The following GUCY2C variants were observed in gnomAD, a reference collection of about 807,000 sequenced individuals.
The protein encoded by GUCY2C is guanylate cyclase 2C, also known as guanylyl cyclase C.
Under a neutral mutation model 131.1 loss-of-function variants are expected in GUCY2C, and 118 were observed. The ratio of observed to expected loss-of-function variants is 0.90; its 90% CI spans 0.78 to 1.05. The LOEUF (loss-of-function observed/expected upper bound fraction) is 1.05. Ranked by LOEUF, GUCY2C falls within the 50% of genes least tolerant of loss-of-function variation. The probability of loss-of-function intolerance (pLI) is 0.00; values close to 1 mark genes in which losing one functional copy is unlikely to be tolerated. For missense variants in GUCY2C, 1,161 were observed against 1,304.4 expected, an observed-to-expected ratio of 0.89 and a Z score of 1.69; for synonymous variants, 452 against 457.8, an observed-to-expected ratio of 0.99 and a Z score of 0.16.
At chr12:14,657,053 G>A (rs768630390) in intron 11 of GUCY2C, among the ~76,000 whole-genome samples, 1 of 152,200 alleles carries the variant, frequency 6.6e-6, no homozygotes, top group Non-Finnish European at 1.5e-5. Flanking sequence ...GAGCTCAGGC[G>A]GTACCGCTCG....
chr12:14,639,752 A>C, intron 19 of GUCY2C, 110 bp downstream of exon 19: 1 of 702,692 alleles, frequency 1.4e-6, no homozygotes, highest in Non-Finnish European at 2.5e-6. Flanking sequence ...TTGATTTCAG[A>C]CTTCTAGTCT....
chr12:14,630,252 C>T (rs1319496585), intron 19 of GUCY2C, among the ~76,000 whole-genome samples: 2 of 151,870 alleles, frequency 1.3e-5, no homozygotes, highest in African/African-American at 4.8e-5. Context: ...GAACTAGAGC[C>T]GCGGTATAGC....
At chr12:14,676,282 G>A (rs1487047859) in intron 7 of GUCY2C, among the ~76,000 whole-genome samples, 3 of 152,160 alleles carry the variant, frequency 2.0e-5, no homozygotes, top group Non-Finnish European at 4.4e-5. Flanking sequence ...CCAAATGGAG[G>A]CTCTTTTTCC....
At chr12:14,619,434 A>T in intron 23 of GUCY2C, 125 bp from the exon 24 acceptor site, 1 of 620,450 alleles carries the variant, frequency 1.6e-6, no homozygotes, top group Non-Finnish European at 2.9e-6. Flanking sequence ...GTAGCTGAGG[A>T]TGTGAAATGT....
chr12:14,626,407 A>G (rs1947019368), intron 20 of GUCY2C, among the ~76,000 whole-genome samples: 1 of 152,200 alleles, frequency 6.6e-6, no homozygotes, highest in African/African-American at 2.4e-5. Flanking sequence ...AATGATGGTA[A>G]TCAACGTAGG....
Position 14,619,276 on chromosome 12 carries a change from A to G in GUCY2C, c.2810T>C (p.Met937Thr). Reference protein sequence around the residue: ...PCAAGVVGIKMPRYCLFGDTV... With the variant: ...PCAAGVVGIKTPRYCLFGDTV... ...ATCTCCAAATAGACAATAACGAGGC[A>G]TCTTGATTCCCACAACTCCAGCAGC... The change falls in exon 24 of 27, where the codon ATG becomes ACG. Residue 937 changes from methionine (M) to threonine (T), a missense_variant. Coordinates refer to ENST00000261170, the MANE Select transcript of GUCY2C (RefSeq NM_004963.4). 6.2e-7 allele frequency: 1 copy of G among 1,612,892 alleles called. No homozygotes were observed. The highest frequency in any genetic ancestry group is 1.1e-5 in the South Asian group (1 of 91,054).
chr12:14,637,183 T>C (rs1344496256), intron 19 of GUCY2C, among the ~76,000 whole-genome samples: 2 of 93,736 alleles, frequency 2.1e-5, no homozygotes, highest in Non-Finnish European at 4.2e-5. Context: ...ACAATCCCAT[T>C]TACAATAGCT....
rs191777682 is a variant in GUCY2C, at chr12:14,625,914, G to C, written c.2251C>G (p.Leu751Val). Residue 751 changes from leucine to valine, a missense_variant and splice_region_variant, in exon 21 of 27, where the codon CTT (leucine) becomes GTT (valine). Transcript: ENST00000261170. ...IETTLAKIFG[L>V]FHDQKNESYM... The stretch of plus-strand genomic sequence containing the variant: ...CTTTCATTTTTTTGGTCATGAAAAA[G>C]TCTGTAGGTAGTAATAGATAAAGAG... The C allele has an allele frequency of 4.1e-4, 648 of 1,597,198 alleles. 5 individuals are homozygous for C. The Admixed American group carries it at 0.011, about 26-fold the overall frequency.
At chr12:14,640,930 T>C (rs762091238) in intron 18 of GUCY2C, 152 bp downstream of exon 18, 2 of 659,848 alleles carry the variant, frequency 3.0e-6, no homozygotes, top group Admixed American at 2.7e-5. Context: ...ATCTTCCTTA[T>C]ATTCTTATAA....
intron 19 of GUCY2C, among the ~76,000 whole-genome samples, chr12:14,638,081 A>G (rs1040569686): frequency 5.3e-5 from 8 of 152,240 alleles, no homozygotes; most frequent in Non-Finnish European, 8.8e-5. Context: ...TTCTCAAAAG[A>G]AGATTTATAA....
chr12:14,625,520 A>G (rs543765217), intron 21 of GUCY2C, among the ~76,000 whole-genome samples: 1 of 151,836 alleles, frequency 6.6e-6, no homozygotes, highest in East Asian at 1.9e-4. Flanking sequence ...TTTTTAGTAG[A>G]GGTGGGGTTT....
chr12:14,651,588 T>C, intron 14 of GUCY2C, 77 bp from the exon 15 acceptor site: 1 of 761,112 alleles, frequency 1.3e-6, no homozygotes, highest in South Asian at 1.5e-5. Context: ...GCCAATAAAA[T>C]GTGTTTTGTT....
Position 14,686,092 on chromosome 12 carries a change from C to A in GUCY2C, c.395+69G>T, listed in dbSNP as rs562190562. 6.4e-6 allele frequency: 6 copies of A among 938,304 alleles called. No homozygotes were observed. In the East Asian group the frequency reaches 9.9e-5, roughly 15 times the overall value. The allele number at this position is 938,304 out of a possible 1,614,324, so 58.1% of individuals were successfully genotyped here. The stretch of plus-strand genomic sequence containing the variant: ...CTCTGATTGTGTTGGCTTGACTAGA[C>A]TGTTGTTTGATGAGTCCTTTAAGTT... On this transcript the variant is annotated intron_variant, in intron 3 of 26. Transcript: ENST00000261170.
intron 20 of GUCY2C, among the ~76,000 whole-genome samples, chr12:14,626,964 A>G (rs1947032024): frequency 6.6e-6 from 1 of 152,206 alleles, no homozygotes; most frequent in Admixed American, 6.5e-5. Context: ...AGAAAAGCCA[A>G]GCTGAGCCTT....
chr12:14,613,065 C>T lies in GUCY2C; in HGVS notation c.*52G>A. The T allele has an allele frequency of 1.4e-6, 2 of 1,447,530 alleles. No homozygotes were observed. The highest frequency in any genetic ancestry group is 1.9e-6 in the Non-Finnish European group (2 of 1,032,952). 89.7% of individuals were successfully genotyped at this position (1,447,530 alleles called of 1,614,324 possible). A position where few individuals can be genotyped will look rare whatever the true frequency, so the allele number is the denominator to read the frequency against. ...GCTTTCAGGACACTTGAGGTCGCTG[C>T]CTCAGTGCAGCTGTATTTTAATTTG... On this transcript the variant is annotated 3_prime_UTR_variant, in exon 27 of 27. Coordinates refer to ENST00000261170, the MANE Select transcript of GUCY2C (RefSeq NM_004963.4). The surrounding 1 kb of genome is among the most constrained non-coding windows in gnomAD (Gnocchi z 4.9).
chr12:14,625,227 G>T (rs1946985333), intron 21 of GUCY2C, among the ~76,000 whole-genome samples: 2 of 152,128 alleles, frequency 1.3e-5, no homozygotes, highest in South Asian at 4.1e-4. Flanking sequence ...CTCCAGCTCG[G>T]GCTTCTTGGG....
At chr12:14,626,376 A>G (rs1947018589) in intron 20 of GUCY2C, among the ~76,000 whole-genome samples, 1 of 152,192 alleles carries the variant, frequency 6.6e-6, no homozygotes, top group South Asian at 2.1e-4. Context: ...ATAAGATTAA[A>G]AAAGGGAAAA....
At chr12:14,675,207 C>CAAAAAAAAAAAAAAAAA (rs35870014) in intron 7 of GUCY2C, among the ~76,000 whole-genome samples, 21 of 34,692 alleles carry the variant, frequency 6.1e-4, no homozygotes, top group South Asian at 1.2e-3. Context: ...AACTCCATCT[C>CAAAAAAAAAAAAAAAAA]AAAAAAAAAA....
intron 19 of GUCY2C, among the ~76,000 whole-genome samples, chr12:14,631,680 G>A (rs555138200): frequency 3.0e-4 from 44 of 145,208 alleles, no homozygotes; most frequent in South Asian, 1.6e-3. Flanking sequence ...GAATAGTGCC[G>A]CAATAAACAT....
Sources: gnomAD v4.1 joint callset for allele counts (sites outside exome capture counted in the v4.1 genomes callset) on GRCh38, gnomAD v4.1.1 for gene constraint, Gnocchi (gnomAD v3.1) non-coding constraint, MANE v1.5 for transcripts, NCBI Gene and HGNC (gene_info 2026-07-23, HGNC 2026-07-21) for gene names.